Variants in CCDC175 observed in about 807,000 individuals in gnomAD.
CCDC175 encodes coiled-coil domain-containing protein 175.
CCDC175 carries 100 observed loss-of-function variants against 114.6 expected under a neutral mutation model. That is an observed-to-expected ratio of 0.87 (90% CI 0.74 to 1.03). CCDC175 has a LOEUF of 1.03. Ranked by LOEUF, CCDC175 falls within the 50% of genes least tolerant of loss-of-function variation. CCDC175 has a pLI of 0.00. For missense variants in CCDC175, 880 were observed against 917.8 expected, an observed-to-expected ratio of 0.96 and a Z score of 0.53; for synonymous variants, 306 against 308.7, an observed-to-expected ratio of 0.99 and a Z score of 0.09.
rs528115194 is a variant in CCDC175 at position 59,510,503 on chromosome 14, T to C, written c.2305+143A>G. On this transcript the variant is annotated intron_variant, in intron 19 of 19. Coordinates refer to ENST00000537690, the MANE Select transcript of CCDC175 (RefSeq NM_001164399.2). ...AAGAGTATTCAACCCCAAATAAGTATCAATGTTCAATTGAATGTTTGTGGC... is the reference window on the plus strand; with the variant it reads ...AAGAGTATTCAACCCCAAATAAGTACCAATGTTCAATTGAATGTTTGTGGC... The C allele has an allele frequency of 2.1e-5, 17 of 806,138 alleles. No individual in the cohort carries two copies. The Middle Eastern group carries it at 8.9e-4, about 42-fold the overall frequency. 49.9% of individuals were successfully genotyped at this position (806,138 alleles called of 1,614,324 possible).
chr14:59,517,627 C>T (rs1310426639), intron 17 of CCDC175, among the ~76,000 whole-genome samples: 1 of 152,122 alleles, frequency 6.6e-6, no homozygotes, highest in Admixed American at 6.5e-5. Flanking sequence ...TGTGAAGGAC[C>T]TCTTCAAGGA....
At position 59,545,295 on chromosome 14, in the gene CCDC175, A is replaced by G. The variant is rs750505639; in HGVS notation, c.1040T>C (p.Val347Ala). ...NEFLNKIKQL[V>A]ETLHAARMEY... ...CATACGAGCAGCATGCAGTGTTTCA[A>G]CCAGCTAGAGAAAAACAAAGGAGGT... The change falls in exon 9 of 20, where the codon GTT becomes GCT. Residue 347 changes from valine (V) to alanine (A), a missense_variant. By Grantham distance (64) the Val-to-Ala change is moderately conservative. Transcript: ENST00000537690. 3 of 1,536,444 alleles carry G rather than the reference A, an allele frequency of 2.0e-6. No individual in the cohort carries two copies. The highest frequency in any genetic ancestry group is 1.2e-5 in the South Asian group (1 of 83,842).
chr14:59,526,868 T>C (rs547976594), intron 15 of CCDC175, among the ~76,000 whole-genome samples: 1 of 152,296 alleles, frequency 6.6e-6, no homozygotes, highest in Admixed American at 6.5e-5. Context: ...CATATACACA[T>C]AAGTATACAT....
At chr14:59,574,782 T>G (rs1897016459) in intron 2 of CCDC175, among the ~76,000 whole-genome samples, 161 bp downstream of exon 2, 1 of 152,236 alleles carries the variant, frequency 6.6e-6, no homozygotes, top group African/African-American at 2.4e-5. Flanking sequence ...GATCAATAAT[T>G]GTGCAAATCC....
rs761830065 is a variant in CCDC175, at chr14:59,545,258, G to A, written c.1077C>T (p.Asp359=). Residue 359 remains aspartate, a synonymous_variant, in exon 9 of 20, where the codon GAC becomes GAT. Transcript: ENST00000537690. ...CAAGAGTTTTCATTTTCTCTCGTAG[G>A]TCTTTGTATTCCATACGAGCAGCAT... ...TLHAARMEYK[D]LREKMKTLAR... The A allele has an allele frequency of 6.5e-7, 1 of 1,536,534 alleles. No homozygotes were observed. The highest frequency in any genetic ancestry group is 1.2e-5 in the South Asian group (1 of 83,990).
chr14:59,567,869 T>C (rs1770317121), intron 4 of CCDC175, among the ~76,000 whole-genome samples: 1 of 152,214 alleles, frequency 6.6e-6, no homozygotes, highest in African/African-American at 2.4e-5. Context: ...CTGCAAGATT[T>C]CTTACTTTGG....
At chr14:59,571,430 C>T (rs532209020) in intron 3 of CCDC175, among the ~76,000 whole-genome samples, 1 of 152,170 alleles carries the variant, frequency 6.6e-6, no homozygotes, top group Non-Finnish European at 1.5e-5. Flanking sequence ...AAAAAAGAAC[C>T]TGATTAAAAG....
chr14:59,509,312 T>C (rs991125145), intron 19 of CCDC175, among the ~76,000 whole-genome samples: 1 of 152,084 alleles, frequency 6.6e-6, no homozygotes, highest in East Asian at 1.9e-4. Flanking sequence ...CCACAAAGGA[T>C]CCTTTATGCA....
intron 7 of CCDC175, among the ~76,000 whole-genome samples, chr14:59,552,191 C>G (rs1279904012): frequency 6.6e-6 from 1 of 152,212 alleles, no homozygotes; most frequent in African/African-American, 2.4e-5. Context: ...CCCTGACCCC[C>G]GAGTAGCCTA....
chr14:59,538,067 C>T lies in CCDC175; in HGVS notation c.1579G>A (p.Val527Ile). Reference protein sequence around the residue: ...TELKEEEKAFVNKEKMLMKEL... With the variant: ...TELKEEEKAFINKEKMLMKEL... ...TTCATTAACATTTTTTCTTTGTTAA[C>T]AAATGCTTTCTCCTCTTCTTTTAAT... Residue 527 changes from valine to isoleucine, a missense_variant, in exon 13 of 20, where the codon GTT becomes ATT. Transcript: ENST00000537690. The T allele has an allele frequency of 1.3e-6, 2 of 1,530,462 alleles. No homozygotes were observed. Among genetic ancestry groups the T allele is most frequent in the Non-Finnish European group, 1.8e-6 (2 of 1,141,434 alleles). The allele number at this position is 1,530,462 out of a possible 1,614,324, so 94.8% of individuals were successfully genotyped here.
intron 8 of CCDC175, among the ~76,000 whole-genome samples, chr14:59,546,179 C>G (rs191781869): frequency 6.6e-6 from 1 of 152,092 alleles, no homozygotes; most frequent in Non-Finnish European, 1.5e-5. Context: ...CATGGGTGCA[C>G]CTAGAGGCCA....
At chr14:59,558,048 T>C (rs763046820) in intron 7 of CCDC175, among the ~76,000 whole-genome samples, 2 of 152,110 alleles carry the variant, frequency 1.3e-5, no homozygotes, top group Non-Finnish European at 2.9e-5. Context: ...GAAGACCTTT[T>C]TGGAATGACC....
intron 6 of CCDC175, among the ~76,000 whole-genome samples, chr14:59,562,546 A>C (rs1288360841): frequency 6.6e-6 from 1 of 152,208 alleles, no homozygotes; most frequent in Non-Finnish European, 1.5e-5. Flanking sequence ...GTGAGACTCA[A>C]GTTTGTGCTT....
At chr14:59,535,519 C>A (rs568517628) in intron 13 of CCDC175, among the ~76,000 whole-genome samples, 1 of 152,088 alleles carries the variant, frequency 6.6e-6, no homozygotes, top group Non-Finnish European at 1.5e-5. Flanking sequence ...AGATACTGAC[C>A]GCTTCTTAAC....
intron 17 of CCDC175, among the ~76,000 whole-genome samples, chr14:59,517,559 T>C (rs1465307930): frequency 1.3e-5 from 2 of 152,148 alleles, no homozygotes; most frequent in African/African-American, 2.4e-5. Flanking sequence ...GTGAGTGAAC[T>C]CCCATTCACA....
At position 59,531,667 on chromosome 14, in the gene CCDC175, G is replaced by C; in HGVS notation, c.1762+105C>G. On this transcript the variant is annotated intron_variant, in intron 14 of 19. Transcript: ENST00000537690. ...GGCTAAAGGTAATGGGGAAAGTTTG[G>C]TGAGTTTCACCATTGGCTTGTAACT... 1.0e-5 allele frequency: 8 copies of C among 780,078 alleles called. No homozygotes were observed. The South Asian group carries it at 1.7e-4, about 16-fold the overall frequency. The allele number at this position is 780,078 out of a possible 1,614,324, so 48.3% of individuals were successfully genotyped here.
chr14:59,546,065 C>A, intron 8 of CCDC175, among the ~76,000 whole-genome samples: 1 of 152,150 alleles, frequency 6.6e-6, no homozygotes, highest in Non-Finnish European at 1.5e-5. Flanking sequence ...GGAATCAACC[C>A]AGGTGCCCAT....
rs1892265127 is a variant in CCDC175, at chr14:59,505,232, C to G, written c.*7G>C. ...TCTTTTGAATTCACAGCAGTTGTATCCTTGAGTTACTTTGTTAATGTATTT... is the reference window on the plus strand; with the variant it reads ...TCTTTTGAATTCACAGCAGTTGTATGCTTGAGTTACTTTGTTAATGTATTT... On this transcript the variant is annotated 3_prime_UTR_variant, in exon 20 of 20. Transcript: ENST00000537690. The G allele has an allele frequency of 4.9e-6, 7 of 1,438,356 alleles. No homozygotes were observed. The African/African-American group carries it at 5.7e-5, about 12-fold the overall frequency. 89.1% of individuals were successfully genotyped at this position (1,438,356 alleles called of 1,614,324 possible).
At chr14:59,564,310 C>A in intron 5 of CCDC175, 1 of 152,866 alleles carries the variant, frequency 6.5e-6, no homozygotes. Context: ...ACAGAGTAAA[C>A]AAAATCATCA....
Sources: gnomAD v4.1 joint callset for allele counts (sites outside exome capture counted in the v4.1 genomes callset) on GRCh38, gnomAD v4.1.1 for gene constraint, MANE v1.5 for transcripts, NCBI Gene and HGNC (gene_info 2026-07-23, HGNC 2026-07-21) for gene names.